Variants in AGMO observed in about 807,000 individuals in gnomAD.
AGMO encodes the protein glyceryl-ether monooxygenase.
AGMO carries 75 observed loss-of-function variants against 60.2 expected under a neutral mutation model. The ratio of observed to expected loss-of-function variants is 1.25; its 90% CI spans 1.03 to 1.51. The LOEUF is 1.51. Among genes scored for constraint, AGMO ranks in the 40% most tolerant of loss-of-function variants. The pLI is 0.00. For missense variants in AGMO, 763 were observed against 525.5 expected (o/e 1.45, Z -4.42); for synonymous variants, 261 against 177.1 (o/e 1.47, Z -3.76).
intron 5 of AGMO, among the ~76,000 whole-genome samples, chr7:15,407,322 G>T (rs1324010561): frequency 1.3e-5 from 2 of 149,466 alleles, no homozygotes; most frequent in Non-Finnish European, 1.5e-5. Context: ...AAGCAATGGG[G>T]TGATGAATTA....
chr7:15,323,693 G>A (rs1290740680), intron 12 of AGMO, among the ~76,000 whole-genome samples: 5 of 152,184 alleles, frequency 3.3e-5, no homozygotes, highest in Non-Finnish European at 5.9e-5. Flanking sequence ...CAGAGCAAAG[G>A]GCTATGGGAT....
chr7:15,409,145 T>C (rs921384004), intron 5 of AGMO, among the ~76,000 whole-genome samples: 8 of 149,102 alleles, frequency 5.4e-5, no homozygotes, highest in African/African-American at 1.5e-4. Context: ...CAGTAAGCAA[T>C]AGAACATCAC....
chr7:15,338,036 G>A (rs1431890312), intron 12 of AGMO, among the ~76,000 whole-genome samples: 2 of 152,136 alleles, frequency 1.3e-5, no homozygotes, highest in African/African-American at 2.4e-5. Flanking sequence ...AGGTGGAAAG[G>A]AATGTTTTAT....
chr7:15,377,761 T>C (rs370485117), intron 10 of AGMO, among the ~76,000 whole-genome samples: 33 of 152,166 alleles, frequency 2.2e-4, no homozygotes, highest in African/African-American at 7.9e-4. Flanking sequence ...AGATTTTAGT[T>C]CTACTTGGGG....
At chr7:15,125,826 A>G in the AGMO span, among the ~76,000 whole-genome samples, 70 of 152,276 alleles carry the variant, frequency 4.6e-4, no homozygotes, top group African/African-American at 1.5e-3. Flanking sequence ...TGTCATCTAT[A>G]TGAGTTTAGA....
intron 12 of AGMO, among the ~76,000 whole-genome samples, chr7:15,348,565 TTTC>T (rs1453791020): frequency 6.6e-6 from 1 of 152,104 alleles, no homozygotes; most frequent in Non-Finnish European, 1.5e-5. Context: ...AATTTGTATT[TTTC>T]TTCTTTCTAT....
At chr7:15,174,876 A>C in the AGMO span, among the ~76,000 whole-genome samples, 6 of 152,050 alleles carry the variant, frequency 3.9e-5, no homozygotes, top group Non-Finnish European at 8.8e-5. Context: ...GATAAAAAAA[A>C]TTCAGAGAGC....
chr7:15,229,039 C>T (rs558195622), intron 12 of AGMO, among the ~76,000 whole-genome samples: 47 of 152,178 alleles, frequency 3.1e-4, no homozygotes, highest in African/African-American at 8.9e-4. Context: ...TGATATATGA[C>T]TTGTAATGGG....
At chr7:15,444,546 T>G (rs557274454) in intron 3 of AGMO, among the ~76,000 whole-genome samples, 57 of 152,344 alleles carry the variant, frequency 3.7e-4, no homozygotes, top group African/African-American at 1.3e-3. Flanking sequence ...CTAAAACATT[T>G]GATCACTTCT....
intron 9 of AGMO, among the ~76,000 whole-genome samples, chr7:15,385,961 A>G (rs1783893587): frequency 6.6e-6 from 1 of 152,020 alleles, no homozygotes; most frequent in African/African-American, 2.4e-5. Flanking sequence ...CAGGCGGATC[A>G]TTTGAGGTCA....
At chr7:15,124,838 C>G in the AGMO span, among the ~76,000 whole-genome samples, 2 of 151,994 alleles carry the variant, frequency 1.3e-5, no homozygotes, top group Non-Finnish European at 2.9e-5. Context: ...TAGTGCCTCC[C>G]ACAAAGGCTG....
At chr7:15,407,152 G>A (rs1161307452) in intron 5 of AGMO, among the ~76,000 whole-genome samples, 2 of 145,830 alleles carry the variant, frequency 1.4e-5, no homozygotes, top group East Asian at 4.0e-4. Context: ...ATAGATATAT[G>A]TATATGTGAT....
chr7:15,143,496 A>T, the AGMO span, among the ~76,000 whole-genome samples: 84 of 152,232 alleles, frequency 5.5e-4, no homozygotes, highest in Non-Finnish European at 1.5e-4. Context: ...GAACATGCAG[A>T]CTGTTGTAAA....
chr7:15,232,305 C>G (rs1265623979), intron 12 of AGMO, among the ~76,000 whole-genome samples: 1 of 152,146 alleles, frequency 6.6e-6, no homozygotes, highest in Non-Finnish European at 1.5e-5. Context: ...TTTTAGGAAA[C>G]AGGGCTTGTG....
intron 10 of AGMO, among the ~76,000 whole-genome samples, chr7:15,376,623 T>C (rs1562469963): frequency 6.6e-6 from 1 of 152,120 alleles, no homozygotes; most frequent in Non-Finnish European, 1.5e-5. Flanking sequence ...TAAGACCTTA[T>C]TGAATATTCA....
intron 3 of AGMO, among the ~76,000 whole-genome samples, chr7:15,540,032 A>G (rs1038418338): frequency 3.9e-5 from 6 of 152,226 alleles, no homozygotes; most frequent in Admixed American, 6.5e-5. Context: ...ATAAGGAATT[A>G]TTAACAGGTA....
intron 2 of AGMO, among the ~76,000 whole-genome samples, chr7:15,559,836 C>A (rs768695364): frequency 6.6e-6 from 1 of 151,798 alleles, no homozygotes; most frequent in Non-Finnish European, 1.5e-5. Flanking sequence ...CTGGAAGAGA[C>A]AAAACACAAT....
chr7:15,237,848 C>T (rs1048543300), intron 12 of AGMO, among the ~76,000 whole-genome samples: 9 of 152,074 alleles, frequency 5.9e-5, no homozygotes, highest in African/African-American at 1.9e-4. Context: ...TAAATTATTT[C>T]TCTGCCCCTT....
chr7:15,243,947 T>C (rs1363806341), intron 12 of AGMO, among the ~76,000 whole-genome samples: 2 of 152,158 alleles, frequency 1.3e-5, no homozygotes, highest in African/African-American at 2.4e-5. Flanking sequence ...GGAATGATCT[T>C]CCCCTGTATT....
Sources: gnomAD v4.1 joint callset for allele counts (sites outside exome capture counted in the v4.1 genomes callset) on GRCh38, gnomAD v4.1.1 for gene constraint, MANE v1.5 for transcripts, NCBI Gene and HGNC (gene_info 2026-07-23, HGNC 2026-07-21) for gene names.